ANTXR1: variants seen among roughly 807,000 people sequenced by gnomAD.
ANTXR1 encodes the protein anthrax toxin receptor 1.
Under a neutral mutation model 78.1 loss-of-function variants are expected in ANTXR1, and 19 were observed. The ratio of observed to expected loss-of-function variants is 0.24; its 90% CI spans 0.17 to 0.36. The LOEUF is 0.36. ANTXR1 is among the 10% of genes least tolerant of loss of function. The pLI, the probability that ANTXR1 is intolerant of heterozygous loss-of-function variation, is 1.00. For missense variants in ANTXR1, 518 were observed against 718.6 expected (o/e 0.72, Z 3.19); for synonymous variants, 273 against 260.5 (o/e 1.05, Z -0.46).
chr2:69,192,216 C>T (rs924366117), intron 16 of ANTXR1, among the ~76,000 whole-genome samples: 1 of 152,198 alleles, frequency 6.6e-6, no homozygotes, highest in Non-Finnish European at 1.5e-5. Flanking sequence ...TTAATCAACA[C>T]GAATCTATTA....
At chr2:69,079,428 C>T (rs1243713906) in intron 8 of ANTXR1, among the ~76,000 whole-genome samples, 1 of 151,998 alleles carries the variant, frequency 6.6e-6, no homozygotes, top group Non-Finnish European at 1.5e-5. Flanking sequence ...ATTGAAAAAC[C>T]AGGGAAAGGT....
At chr2:69,084,184 A>G (rs968532293) in intron 8 of ANTXR1, among the ~76,000 whole-genome samples, 8 of 152,186 alleles carry the variant, frequency 5.3e-5, no homozygotes, top group Admixed American at 1.3e-4. Context: ...AAGGCCACTC[A>G]CTTTTCCAGT....
chr2:69,013,387 G>T lies in ANTXR1; in HGVS notation c.-113G>T. On this transcript the variant is annotated 5_prime_UTR_variant, in exon 1 of 18. The change creates a new upstream start codon in the 5' untranslated region. Coordinates refer to ENST00000303714, the MANE Select transcript of ANTXR1 (RefSeq NM_032208.3). The surrounding 1 kb of genome is among the most constrained non-coding windows in gnomAD (Gnocchi z 5.0). ...CTTCCGGGGAGTTGCGAGGGAGCGA[G>T]GGGGAATAAAGGACCCGCGAGGAAG... is the stretch of plus-strand genomic sequence containing the variant. The T allele has an allele frequency of 7.0e-7, 1 of 1,437,760 alleles. No individual in the cohort carries two copies. The allele number at this position is 1,437,760 out of a possible 1,614,324, so 89.1% of individuals were successfully genotyped here.
intron 3 of ANTXR1, among the ~76,000 whole-genome samples, chr2:69,066,206 G>T (rs1349093950): frequency 6.6e-6 from 1 of 152,218 alleles, no homozygotes. Context: ...AGATTTTGCA[G>T]TGGAAACCTC....
chr2:69,091,400 C>A (rs145202016), intron 9 of ANTXR1, among the ~76,000 whole-genome samples: 340 of 136,192 alleles, frequency 2.5e-3, no homozygotes, highest in African/African-American at 9.1e-3. Context: ...GAGCCGAGAT[C>A]GCACCACTGC....
At position 69,210,935 on chromosome 2, in the gene ANTXR1, C is replaced by CAA. The variant is rs1159790329; in HGVS notation, c.1434+17540_1434+17541dup. Reference sequence around the variant, plus strand: ...TGGGCGACAGAGTGAGACTCCATCACAAAAAAAAAAAAAAAAAAAAAGAAC... The same window carrying CAA: ...TGGGCGACAGAGTGAGACTCCATCACAAAAAAAAAAAAAAAAAAAAAAAGAAC... On this transcript the variant is annotated intron_variant, in intron 17 of 17. Transcript: ENST00000303714. Among the ~76,000 whole-genome samples, 293 of 42,852 alleles carry CAA rather than the reference C, an allele frequency of 6.8e-3. 4 individuals carry two copies. The highest frequency in any genetic ancestry group is 0.014 in the African/African-American group (188 of 13,666). 28.1% of individuals were successfully genotyped at this position (42,852 alleles called of 152,430 possible).
intron 17 of ANTXR1, among the ~76,000 whole-genome samples, chr2:69,200,431 G>A (rs1674746526): frequency 2.0e-5 from 3 of 152,216 alleles, no homozygotes; most frequent in South Asian, 4.1e-4. Context: ...GCCTGGGCAG[G>A]TTATCCTCCA....
At chr2:69,087,532 T>C (rs1280274732) in intron 8 of ANTXR1, among the ~76,000 whole-genome samples, 2 of 152,280 alleles carry the variant, frequency 1.3e-5, no homozygotes, top group East Asian at 3.9e-4. Flanking sequence ...TAAAGGAGCA[T>C]AGGTCAGGTA....
intron 10 of ANTXR1, among the ~76,000 whole-genome samples, chr2:69,121,037 T>C (rs1672330666): frequency 6.6e-6 from 1 of 152,092 alleles, no homozygotes; most frequent in African/African-American, 2.4e-5. Flanking sequence ...CCTCTCCCAC[T>C]CCATCCCATC....
At chr2:69,108,432 A>C (rs902144831) in intron 10 of ANTXR1, among the ~76,000 whole-genome samples, 16 of 152,230 alleles carry the variant, frequency 1.1e-4, no homozygotes, top group Non-Finnish European at 2.4e-4. Context: ...AGAAAATATC[A>C]CAAGAAAAAT....
Position 69,013,451 on chromosome 2 carries a change from T to C in ANTXR1, c.-49T>C. The C allele has an allele frequency of 6.3e-7, 1 of 1,575,114 alleles. No individual in the cohort carries two copies. The highest frequency in any genetic ancestry group is 8.6e-7 in the Non-Finnish European group (1 of 1,162,366). On this transcript the variant is annotated 5_prime_UTR_variant, in exon 1 of 18. Transcript: ENST00000303714. This position sits in a 1 kb window ranked among gnomAD's most constrained non-coding sequence, Gnocchi z 5.0. ...CGCGTCCCTGAGGGTCGTGGCGAGT[T>C]CGCGGAGCGTGGGAAGGAGCGGACC... is the stretch of plus-strand genomic sequence containing the variant.
chr2:69,129,767 G>A (rs1573914384), intron 12 of ANTXR1, among the ~76,000 whole-genome samples: 1 of 151,790 alleles, frequency 6.6e-6, no homozygotes, highest in African/African-American at 2.4e-5. Context: ...AAAAAAGAGT[G>A]TATAAATGTA....
chr2:69,074,854 A>AT (rs891638247), intron 6 of ANTXR1, among the ~76,000 whole-genome samples: 11 of 152,118 alleles, frequency 7.2e-5, no homozygotes, highest in African/African-American at 2.2e-4. Context: ...AGGATTTTCA[A>AT]TTTTTTTTCC....
intron 1 of ANTXR1, among the ~76,000 whole-genome samples, chr2:69,014,307 C>T (rs1670957530): frequency 6.6e-6 from 1 of 152,020 alleles, no homozygotes; most frequent in South Asian, 2.1e-4. Context: ...CACTGGATGC[C>T]AGTAACATCC....
At chr2:69,141,594 C>T (rs1301224048) in intron 12 of ANTXR1, among the ~76,000 whole-genome samples, 1 of 152,214 alleles carries the variant, frequency 6.6e-6, no homozygotes, top group Non-Finnish European at 1.5e-5. Flanking sequence ...CTGTTTCCTT[C>T]TGCCTGACCC....
chr2:69,127,808 G>A (rs1323645081), intron 12 of ANTXR1, among the ~76,000 whole-genome samples: 5 of 152,156 alleles, frequency 3.3e-5, no homozygotes, highest in Non-Finnish European at 7.3e-5. Context: ...CTAAGAAACT[G>A]AAAGGATGGA....
At chr2:69,070,807 C>T (rs148082942) in intron 4 of ANTXR1, 79 bp downstream of exon 4, 58 of 1,360,222 alleles carry the variant, frequency 4.3e-5, no homozygotes, top group Non-Finnish European at 5.3e-5. Flanking sequence ...TGAGATAAGG[C>T]ACTTATATTA....
intron 17 of ANTXR1, among the ~76,000 whole-genome samples, chr2:69,208,274 C>A (rs929120273): frequency 6.6e-6 from 1 of 152,154 alleles, no homozygotes; most frequent in Non-Finnish European, 1.5e-5. Flanking sequence ...AAAATTGTGG[C>A]CTCCCTTCTT....
In ANTXR1 at chr2:69,193,319, A is replaced by C; in HGVS notation, c.1354-16A>C. 1 of 1,613,368 alleles carries C rather than the reference A, an allele frequency of 6.2e-7. No homozygotes were observed. Among genetic ancestry groups the C allele is most frequent in the African/African-American group, 1.3e-5 (1 of 75,000 alleles). ...CTGGTTTCATATGTAATCTTGGTGC[A>C]TTTGTTTTATTTCAGGGAAAACTCG... is the stretch of plus-strand genomic sequence containing the variant. On this transcript the variant is annotated splice_polypyrimidine_tract_variant and intron_variant, in intron 16 of 17. Transcript: ENST00000303714.
Sources: allele counts gnomAD v4.1 joint callset (sites outside exome capture counted in the v4.1 genomes callset), GRCh38; gene constraint gnomAD v4.1.1; non-coding constraint Gnocchi (gnomAD v3.1); transcripts MANE v1.5; gene names NCBI Gene and HGNC (gene_info 2026-07-23, HGNC 2026-07-21).